The following SERPINA12 variants were observed in gnomAD, a reference collection of about 807,000 sequenced individuals.
The protein encoded by SERPINA12 is serpin family A member 12.
A neutral mutation model predicts 25.9 loss-of-function variants in SERPINA12; 21 were observed. The ratio of observed to expected loss-of-function variants is 0.81; its 90% CI spans 0.58 to 1.17. SERPINA12 has a LOEUF of 1.17. Among genes scored for constraint, SERPINA12 ranks in the 50% most tolerant of loss-of-function variants. The pLI, the probability that SERPINA12 is intolerant of heterozygous loss-of-function variation, is 0.00. For synonymous variants in SERPINA12, 220 were observed against 196.0 expected (o/e 1.12, Z -1.02); for missense variants, 562 against 508.3 (o/e 1.11, Z -1.02).
intron 2 of SERPINA12, among the ~76,000 whole-genome samples, chr14:94,497,156 G>A (rs2139852056): frequency 6.6e-6 from 1 of 152,310 alleles, no homozygotes; most frequent in East Asian, 1.9e-4. Context: ...TGTGTTCTGT[G>A]TGGTGTTGGG....
chr14:94,512,261 T>C (rs1318111131), upstream of SERPINA12, among the ~76,000 whole-genome samples: 1 of 152,114 alleles, frequency 6.6e-6, no homozygotes, highest in East Asian at 1.9e-4. Context: ...ATTGTGACAT[T>C]GAGGCGGAGC....
chr14:94,510,173 A>G (rs1595701226), upstream of SERPINA12: 1 of 985,422 alleles, frequency 1.0e-6, no homozygotes, highest in South Asian at 4.7e-5. Flanking sequence ...ACAATGGGCA[A>G]TAGGAGACTG....
chr14:94,500,328 A>C (rs1213577919), intron 1 of SERPINA12, among the ~76,000 whole-genome samples: 2 of 151,588 alleles, frequency 1.3e-5, no homozygotes, highest in African/African-American at 4.9e-5. Flanking sequence ...TTCTCCTCTT[A>C]TCCTCTTCTC....
chr14:94,516,531 G>A (rs1007581821), intron 1 of SERPINA12, among the ~76,000 whole-genome samples: 2 of 152,150 alleles, frequency 1.3e-5, no homozygotes, highest in Non-Finnish European at 2.9e-5. Context: ...CAGGTGAAGG[G>A]GGGCAGCGCC....
chr14:94,498,260 C>T lies in SERPINA12; in HGVS notation c.138G>A (p.Lys46=), dbSNP rs762302162. The T allele has an allele frequency of 8.7e-6, 14 of 1,614,232 alleles. No homozygotes were observed. Among genetic ancestry groups the T allele is most frequent in the Non-Finnish European group, 1.2e-5 (14 of 1,180,032 alleles). Residue 46 remains lysine, a synonymous_variant, in exon 2 of 5, where the codon AAG becomes AAA. Coordinates refer to ENST00000677451, the MANE Select transcript of SERPINA12 (RefSeq NM_001382267.1). ...VQGWKQRMAA[K]ELARQNMDLG... ...AGTCCATGTTCTGCCTTGCAAGCTC[C>T]TTGGCTGCCATCCTTTGCTTCCATC...
Position 94,498,173 on chromosome 14 carries a change from G to A in SERPINA12, c.225C>T (p.Ser75=). The A allele has an allele frequency of 6.2e-7, 1 of 1,614,084 alleles. No homozygotes were observed. The highest frequency in any genetic ancestry group is 8.5e-7 in the Non-Finnish European group (1 of 1,180,032). The part of the protein sequence containing the change: ...FYNPGRNIFL[S]PLSISTAFSM... ...AGAAAGCTGTAGAGATGCTCAAGGG[G>A]GATAGGAAGATGTTCCTGCCAGGGT... is the stretch of plus-strand genomic sequence containing the variant. The change falls in exon 2 of 5, where the codon TCC becomes TCT. Residue 75 remains serine (S), a synonymous_variant. Coordinates refer to ENST00000677451, the MANE Select transcript of SERPINA12 (RefSeq NM_001382267.1).
upstream of SERPINA12, among the ~76,000 whole-genome samples, chr14:94,512,774 C>A (rs1901142306): frequency 2.0e-5 from 3 of 152,128 alleles, no homozygotes; most frequent in Non-Finnish European, 4.4e-5. Context: ...AGTAGTTACC[C>A]AAATAGGGTT....
intron 2 of SERPINA12, among the ~76,000 whole-genome samples, 153 bp from the exon 3 acceptor site, chr14:94,496,796 A>G (rs1900446519): frequency 6.6e-6 from 1 of 152,176 alleles, no homozygotes; most frequent in South Asian, 2.1e-4. Context: ...CATGTCCTGG[A>G]GATTTCTGAT....
At chr14:94,507,951 ATAG>A (rs1418897936) in intron 1 of SERPINA12, among the ~76,000 whole-genome samples, 1 of 152,256 alleles carries the variant, frequency 6.6e-6, no homozygotes, top group African/African-American at 2.4e-5. Context: ...ATGTCCATTT[ATAG>A]TAGAGAAGGG....
Position 94,498,297 on chromosome 14 carries a change from C to A in SERPINA12, c.101G>T (p.Ser34Ile), listed in dbSNP as rs751507924. The A allele has an allele frequency of 6.2e-7, 1 of 1,614,086 alleles. No homozygotes were observed. Among genetic ancestry groups the A allele is most frequent in the African/African-American group, 1.3e-5 (1 of 74,930 alleles). The part of the protein sequence containing the change: ...SFSPRNYKAL[S>I]EVQGWKQRMA... ...CCTTTGCTTCCATCCTTGGACCTCG[C>A]TCAAAGCTTTATAATTCCTTGGTGA... Residue 34 changes from serine to isoleucine, a missense_variant, in exon 2 of 5, where the codon AGC becomes ATC. Physicochemically the swap from Ser to Ile is moderately radical, Grantham distance 142 (BLOSUM62 -2). Transcript: ENST00000677451.
rs1306082997 is a variant in SERPINA12 at position 94,509,349 on chromosome 14, C to A, written c.-41G>T. ...ACTGCCCCTTGGACTAACCTCACCT[C>A]CCCAGTTTCTCCTTTCCCCTCAGGT... On this transcript the variant is annotated 5_prime_UTR_variant, in exon 1 of 5. Transcript: ENST00000677451. 6.6e-6 allele frequency among the ~76,000 whole-genome samples: 1 copy of A among 151,032 alleles called. No individual in the cohort carries two copies. The highest frequency in any genetic ancestry group is 1.5e-5 in the Non-Finnish European group (1 of 67,774).
chr14:94,510,329 G>A (rs1018098678), upstream of SERPINA12: 2 of 924,406 alleles, frequency 2.2e-6, no homozygotes, highest in Non-Finnish European at 2.6e-6. Context: ...AACAACAGAG[G>A]ATATAAAAAA....
intron 3 of SERPINA12, among the ~76,000 whole-genome samples, chr14:94,492,646 G>A (rs190126779): frequency 1.9e-3 from 289 of 152,364 alleles, no homozygotes; most frequent in African/African-American, 6.3e-3. Flanking sequence ...GCAGGGGGCC[G>A]TAGGTCCAGT....
At chr14:94,512,505 T>C (rs1432973115), upstream of SERPINA12, among the ~76,000 whole-genome samples, 1 of 152,210 alleles carries the variant, frequency 6.6e-6, no homozygotes, top group Middle Eastern at 3.2e-3. Flanking sequence ...AGTAATTAAT[T>C]ACTATTAATG....
At chr14:94,500,021 C>G (rs994726927) in intron 1 of SERPINA12, among the ~76,000 whole-genome samples, 2 of 152,188 alleles carry the variant, frequency 1.3e-5, no homozygotes, top group East Asian at 3.9e-4. Context: ...CCAACGGGGT[C>G]TGCACAGCTA....
rs555631497 is a variant in SERPINA12 at position 94,487,443 on chromosome 14, C to A, written c.1105G>T (p.Ala369Ser). The change falls in exon 5 of 5, where the codon GCT (alanine) becomes TCT (serine). Residue 369 changes from alanine (A) to serine (S), a missense_variant. By Grantham distance (99) the Ala-to-Ser change is moderately conservative (BLOSUM62 1). Transcript: ENST00000677451. ...KMDERGTEGA[A>S]GTGAQTLPME... ...GGCAGAGTCTGTGCTCCGGTGCCAG[C>A]GGCCCCTTCCGTACCCCTCTCATCC... is the stretch of plus-strand genomic sequence containing the variant. 2.4e-5 allele frequency: 38 copies of A among 1,613,966 alleles called. 1 individual carries two copies. In the South Asian group the frequency reaches 3.6e-4, roughly 15 times the overall value.
chr14:94,513,185 G>A (rs1901152251), upstream of SERPINA12, among the ~76,000 whole-genome samples: 1 of 152,240 alleles, frequency 6.6e-6, no homozygotes. Flanking sequence ...GGGCTGGTAA[G>A]CAGGTCACCC....
intron 2 of SERPINA12, among the ~76,000 whole-genome samples, chr14:94,497,320 C>A (rs1900474050): frequency 6.6e-6 from 1 of 152,230 alleles, no homozygotes; most frequent in African/African-American, 2.4e-5. Flanking sequence ...TCAACACAAT[C>A]ACCATCTCAG....
At position 94,498,197 on chromosome 14, in the gene SERPINA12, G is replaced by T. The variant is rs138327766; in HGVS notation, c.201C>A (p.Asn67Lys). ...FKLLKKLAFY[N>K]PGRNIFLSPL... The stretch of plus-strand genomic sequence containing the variant: ...GGGATAGGAAGATGTTCCTGCCAGG[G>T]TTGTAAAAGGCCAGCTTCTTGAGCA... Residue 67 changes from asparagine to lysine, a missense_variant, in exon 2 of 5, where the codon AAC (asparagine) becomes AAA (lysine). Coordinates refer to ENST00000677451, the MANE Select transcript of SERPINA12 (RefSeq NM_001382267.1). 1.4e-4 allele frequency: 234 copies of T among 1,614,188 alleles called. 1 individual carries two copies. In the African/African-American group the frequency reaches 2.8e-3, roughly 19 times the overall value.
Sources: allele counts gnomAD v4.1 joint callset (sites outside exome capture counted in the v4.1 genomes callset), GRCh38; gene constraint gnomAD v4.1.1; transcripts MANE v1.5; gene names NCBI Gene and HGNC (gene_info 2026-07-23, HGNC 2026-07-21).